The following SLC39A11 variants were observed in gnomAD, a reference collection of about 807,000 sequenced individuals.
SLC39A11 encodes zinc transporter ZIP11.
In SLC39A11, 33 loss-of-function variants were observed where a neutral mutation model predicts 36.1. The observed-to-expected ratio is 0.91, with a 90% confidence interval of 0.69 to 1.22. The LOEUF (loss-of-function observed/expected upper bound fraction) is 1.22. Ranked by LOEUF, SLC39A11 falls within the 50% of genes most tolerant of loss-of-function variation. The pLI, the probability that SLC39A11 is intolerant of heterozygous loss-of-function variation, is 0.00. For missense variants in SLC39A11, 432 were observed against 430.3 expected (o/e 1.00, Z -0.03); for synonymous variants, 166 against 170.3 (o/e 0.97, Z 0.20).
chr17:72,980,945 C>A (rs1026364959), intron 4 of SLC39A11, among the ~76,000 whole-genome samples: 1 of 151,266 alleles, frequency 6.6e-6, no homozygotes, highest in African/African-American at 2.4e-5. Flanking sequence ...ATTACTTGAA[C>A]CTAGAAGGCA....
At chr17:72,904,011 G>C (rs1483375403) in intron 5 of SLC39A11, among the ~76,000 whole-genome samples, 1 of 152,200 alleles carries the variant, frequency 6.6e-6, no homozygotes, top group African/African-American at 2.4e-5. Context: ...ACATGGGCCA[G>C]GCACTGTGCT....
chr17:72,759,062 T>G (rs993305132), intron 6 of SLC39A11, among the ~76,000 whole-genome samples: 6 of 151,156 alleles, frequency 4.0e-5, no homozygotes, highest in African/African-American at 2.4e-5. Context: ...GATCGTGCCA[T>G]TGCACTCCAG....
intron 5 of SLC39A11, among the ~76,000 whole-genome samples, chr17:72,885,689 C>A (rs543707149): frequency 1.4e-4 from 22 of 152,090 alleles, no homozygotes; most frequent in Admixed American, 1.4e-3. Flanking sequence ...ACCACTGGCA[C>A]CTCTGTGCCA....
intron 5 of SLC39A11, among the ~76,000 whole-genome samples, chr17:72,946,741 C>T (rs1289444660): frequency 6.6e-6 from 1 of 152,206 alleles, no homozygotes; most frequent in Non-Finnish European, 1.5e-5. Flanking sequence ...AGGCATCCAA[C>T]TCTCCTCATG....
intron 6 of SLC39A11, among the ~76,000 whole-genome samples, chr17:72,811,203 G>C (rs751356824): frequency 5.3e-5 from 8 of 152,128 alleles, no homozygotes; most frequent in Non-Finnish European, 1.2e-4. Flanking sequence ...TTGTCTGGGA[G>C]GGTGCATTTT....
intron 5 of SLC39A11, among the ~76,000 whole-genome samples, chr17:72,879,516 T>C (rs1376655193): frequency 6.6e-6 from 1 of 152,184 alleles, no homozygotes; most frequent in Non-Finnish European, 1.5e-5. Flanking sequence ...ACATGCTCTT[T>C]TTACTTCATT....
At chr17:72,708,504 A>G (rs1178016375) in intron 7 of SLC39A11, among the ~76,000 whole-genome samples, 1 of 152,106 alleles carries the variant, frequency 6.6e-6, no homozygotes. Context: ...ATATATACAC[A>G]TCCTATTGGT....
At chr17:73,034,409 A>G (rs1278800099) in intron 3 of SLC39A11, among the ~76,000 whole-genome samples, 1 of 152,136 alleles carries the variant, frequency 6.6e-6, no homozygotes, top group African/African-American at 2.4e-5. Flanking sequence ...TTTAGTAGAG[A>G]CAGGGTTTTG....
At chr17:72,923,724 T>C (rs1029821691) in intron 5 of SLC39A11, among the ~76,000 whole-genome samples, 14 of 151,932 alleles carry the variant, frequency 9.2e-5, no homozygotes, top group African/African-American at 3.4e-4. Flanking sequence ...AGTACTACAA[T>C]AAAGAGACGA....
intron 3 of SLC39A11, among the ~76,000 whole-genome samples, chr17:73,050,563 A>G (rs923820903): frequency 1.3e-5 from 2 of 151,010 alleles, no homozygotes; most frequent in African/African-American, 2.4e-5. Flanking sequence ...TCCCGAGTTC[A>G]AGTAGTTCTC....
At chr17:72,756,127 G>C (rs1598594221) in intron 6 of SLC39A11, among the ~76,000 whole-genome samples, 2 of 152,196 alleles carry the variant, frequency 1.3e-5, no homozygotes, top group Non-Finnish European at 2.9e-5. Flanking sequence ...AGCCAGTGTG[G>C]AAAACAGTTT....
chr17:72,903,708 T>C (rs62069568), intron 5 of SLC39A11, among the ~76,000 whole-genome samples: 1,597 of 152,168 alleles, frequency 0.01, 7 homozygotes, highest in Non-Finnish European at 0.017. Context: ...ATGGAGGAAA[T>C]CAATGTGAAT....
intron 6 of SLC39A11, among the ~76,000 whole-genome samples, chr17:72,788,604 A>AT (rs1309074705): frequency 6.6e-6 from 1 of 152,272 alleles, no homozygotes; most frequent in Non-Finnish European, 1.5e-5. Context: ...AAAAGGGAGT[A>AT]TAAGAATAAT....
intron 7 of SLC39A11, among the ~76,000 whole-genome samples, chr17:72,729,657 C>T (rs550662250): frequency 8.7e-5 from 13 of 149,904 alleles, no homozygotes; most frequent in African/African-American, 1.7e-4. Flanking sequence ...TCAGTCATAT[C>T]GGTTTGTCCA....
chr17:73,088,709 C>A lies in SLC39A11; in HGVS notation c.56G>T (p.Trp19Leu). ...FQALLGTFFT[W>L]GMTAAGAALV... ...AGCTGCCCCAGCTGCTGTCATCCCC[C>A]AGGTGAAGAAGGTCCCCAGCAAGGC... Residue 19 changes from tryptophan (W) to leucine (L), a missense_variant, in exon 2 of 10, where the codon TGG becomes TTG. Coordinates refer to ENST00000255559, the MANE Select transcript of SLC39A11 (RefSeq NM_139177.4). 1 of 1,612,702 alleles carries A rather than the reference C, an allele frequency of 6.2e-7. No individual in the cohort carries two copies. Among genetic ancestry groups the A allele is most frequent in the South Asian group, 1.1e-5 (1 of 90,612 alleles).
chr17:72,810,253 A>G (rs922579346), intron 6 of SLC39A11, among the ~76,000 whole-genome samples: 1 of 152,210 alleles, frequency 6.6e-6, no homozygotes, highest in South Asian at 2.1e-4. Context: ...CCCTAGGTAC[A>G]TATACAAGAA....
intron 4 of SLC39A11, among the ~76,000 whole-genome samples, chr17:73,019,558 C>A (rs2058274878): frequency 6.6e-6 from 1 of 152,042 alleles, no homozygotes; most frequent in South Asian, 2.1e-4. Flanking sequence ...TCAAGGTAGA[C>A]CATGATAAGT....
rs138367029 is a variant in SLC39A11, at chr17:72,728,395, T to C, written c.671+8255A>G. ...GGGTCGAGGGTGCAGTGAGCCATGA[T>C]TGCACCACTGCACTACAGCCTGAGT... On this transcript the variant is annotated intron_variant, in intron 7 of 9. Transcript: ENST00000255559. Among the ~76,000 whole-genome samples, 14 of 152,072 alleles carry C rather than the reference T, an allele frequency of 9.2e-5. No homozygotes were observed. In the East Asian group the frequency reaches 2.7e-3, roughly 29 times the overall value.
At chr17:72,779,257 A>G (rs1158633899) in intron 6 of SLC39A11, among the ~76,000 whole-genome samples, 10 of 152,082 alleles carry the variant, frequency 6.6e-5, no homozygotes, top group Non-Finnish European at 1.5e-4. Context: ...CAGCCTGGCC[A>G]ACATGGTGAA....
Sources: allele counts gnomAD v4.1 joint callset (sites outside exome capture counted in the v4.1 genomes callset), GRCh38; gene constraint gnomAD v4.1.1; transcripts MANE v1.5; gene names NCBI Gene and HGNC (gene_info 2026-07-23, HGNC 2026-07-21).